GFRA1: variants seen among roughly 807,000 people sequenced by gnomAD.
GFRA1 encodes the protein GDNF family receptor alpha-1.
GFRA1 carries 16 observed loss-of-function variants against 51.6 expected under a neutral mutation model. That is an observed-to-expected ratio of 0.31 (90% CI 0.21 to 0.47). The LOEUF is 0.47. Ranked by LOEUF, GFRA1 falls within the 20% of genes least tolerant of loss-of-function variation. GFRA1 has a pLI of 1.00. For synonymous variants in GFRA1, 270 were observed against 241.3 expected, an observed-to-expected ratio of 1.12 and a Z score of -1.10; for missense variants, 530 against 594.3, an observed-to-expected ratio of 0.89 and a Z score of 1.13.
intron 5 of GFRA1, among the ~76,000 whole-genome samples, chr10:116,181,740 C>A (rs1246842627): frequency 3.9e-5 from 6 of 152,088 alleles, no homozygotes; most frequent in Admixed American, 3.3e-4. Context: ...CAGGTTCACA[C>A]CATTCTCTTG....
chr10:116,098,346 A>C (rs557209376), intron 6 of GFRA1, among the ~76,000 whole-genome samples: 8 of 152,324 alleles, frequency 5.3e-5, no homozygotes, highest in South Asian at 4.1e-4. Context: ...TCCTGACTTT[A>C]ATTGAACACA....
chr10:116,135,005 CT>C (rs1339593203), intron 5 of GFRA1, among the ~76,000 whole-genome samples: 3 of 152,116 alleles, frequency 2.0e-5, no homozygotes, highest in Admixed American at 6.5e-5. Context: ...CCACCTTTTC[CT>C]TTTGTTATAC....
chr10:116,075,002 C>T lies in GFRA1; in HGVS notation c.1198-9376G>A, dbSNP rs57554770. Among the ~76,000 whole-genome samples, 229 of 152,278 alleles carry T rather than the reference C, an allele frequency of 1.5e-3. 3 individuals are homozygous for T. In the East Asian group the frequency reaches 0.035, roughly 23 times the overall value. On this transcript the variant is annotated intron_variant, in intron 9 of 10. Transcript: ENST00000355422. ...ATATTTATAGCCAAGATGGTGCAGA[C>T]GTCCTATTCCTTTTTATTAAGCATG...
chr10:116,250,895 A>G (rs1285496259), intron 4 of GFRA1, among the ~76,000 whole-genome samples: 1 of 152,210 alleles, frequency 6.6e-6, no homozygotes, highest in African/African-American at 2.4e-5. Context: ...TACTAGCTCC[A>G]CTGTTTCTGG....
intron 4 of GFRA1, among the ~76,000 whole-genome samples, chr10:116,216,962 T>A (rs185819703): frequency 3.3e-5 from 5 of 152,184 alleles, no homozygotes; most frequent in Non-Finnish European, 7.3e-5. Context: ...GCTCTGTACA[T>A]AGACATGAAG....
chr10:116,096,669 T>C lies in GFRA1; in HGVS notation c.866A>G (p.Tyr289Cys). ...KENYADCLLAYSGLIGTVMTP... is the reference protein window; with the variant it reads ...KENYADCLLACSGLIGTVMTP... ...TCGGATCTTACCAATAAGCCCCGAG[T>C]AGGCGAGGAGGCAGTCAGCGTAGTT... Residue 289 changes from tyrosine to cysteine, a missense_variant, in exon 7 of 11, where the codon TAC (tyrosine) becomes TGC (cysteine). Transcript: ENST00000355422. 1 of 1,589,448 alleles carries C rather than the reference T, an allele frequency of 6.3e-7. No individual in the cohort carries two copies. The highest frequency in any genetic ancestry group is 8.6e-7 in the Non-Finnish European group (1 of 1,158,054).
In GFRA1 at chr10:116,062,261, T is replaced by C. The variant is rs143591190; in HGVS notation, c.*2137A>G. 1.5e-5 allele frequency: 6 copies of C among 397,304 alleles called. No homozygotes were observed. In the Admixed American group the frequency reaches 2.2e-4, roughly 15 times the overall value. The allele number at this position is 397,304 out of a possible 1,614,324, so 24.6% of individuals were successfully genotyped here. ...GTGTAGATACACAGAGATACCTTAATGAAAACAAAATACACTCTGTAAGAG... is the reference window on the plus strand; with the variant it reads ...GTGTAGATACACAGAGATACCTTAACGAAAACAAAATACACTCTGTAAGAG... On this transcript the variant is annotated 3_prime_UTR_variant, in exon 11 of 11. Coordinates refer to ENST00000355422, the MANE Select transcript of GFRA1 (RefSeq NM_005264.8).
At chr10:116,115,732 C>A (rs1247800955) in intron 6 of GFRA1, among the ~76,000 whole-genome samples, 1 of 152,132 alleles carries the variant, frequency 6.6e-6, no homozygotes, top group Non-Finnish European at 1.5e-5. Flanking sequence ...AACGGAAACA[C>A]CCCCTTCCCT....
chr10:116,173,970 C>T (rs1031974909), intron 5 of GFRA1, among the ~76,000 whole-genome samples: 29 of 152,090 alleles, frequency 1.9e-4, no homozygotes, highest in African/African-American at 7.0e-4. Flanking sequence ...ATCCCAGCTA[C>T]TTGGGAGGCT....
In GFRA1 at chr10:116,062,764, G is replaced by A. The variant is rs1039807698; in HGVS notation, c.*1634C>T. 3 of 152,112 alleles carry A rather than the reference G, an allele frequency of 2.0e-5. No individual in the cohort carries two copies. The highest frequency in any genetic ancestry group is 6.5e-5 in the Admixed American group (1 of 15,272). The allele number at this position is 152,112 out of a possible 1,614,324, so 9.4% of individuals were successfully genotyped here. ...TCGATCATTGTAGATTCGGAATCTCGCCATCTAAACCAGACTTCAAAAGTG... is the reference window on the plus strand; with the variant it reads ...TCGATCATTGTAGATTCGGAATCTCACCATCTAAACCAGACTTCAAAAGTG... On this transcript the variant is annotated 3_prime_UTR_variant, in exon 11 of 11. Transcript: ENST00000355422.
intron 6 of GFRA1, among the ~76,000 whole-genome samples, chr10:116,112,336 A>C (rs965691655): frequency 6.6e-6 from 1 of 152,040 alleles, no homozygotes; most frequent in African/African-American, 2.4e-5. Flanking sequence ...GGGACCTGAA[A>C]CTTCCAGCTT....
rs949432346 is a variant in GFRA1 at position 116,060,321 on chromosome 10, T to G, written c.*4077A>C. ...AACCAAATCCCCACTTGTTTTATTT[T>G]AGAATTTCTAATAAGAAATTCCTTC... On this transcript the variant is annotated 3_prime_UTR_variant, in exon 11 of 11. Transcript: ENST00000355422. The G allele has an allele frequency of 6.6e-6, 1 of 152,220 alleles. No homozygotes were observed. Among genetic ancestry groups the G allele is most frequent in the Non-Finnish European group, 1.5e-5 (1 of 68,040 alleles). 9.4% of individuals were successfully genotyped at this position (152,220 alleles called of 1,614,324 possible).
chr10:116,271,594 C>A (rs1168833519), intron 2 of GFRA1, among the ~76,000 whole-genome samples: 2 of 152,120 alleles, frequency 1.3e-5, no homozygotes, highest in Non-Finnish European at 2.9e-5. Flanking sequence ...GCGGAGAGTG[C>A]CCAGAAGCTA....
chr10:116,272,163 C>T lies in GFRA1; in HGVS notation c.-134G>A. On this transcript the variant is annotated 5_prime_UTR_variant, in exon 2 of 11. Coordinates refer to ENST00000355422, the MANE Select transcript of GFRA1 (RefSeq NM_005264.8). The surrounding 1 kb of genome is among the most constrained non-coding windows in gnomAD (Gnocchi z 4.4). ...TGGCCGCCCAAAGTTCAGCTCCATC[C>T]AGTGAAAGAGGAAACTCCGGGTCTG... 1 of 806,918 alleles carries T rather than the reference C, an allele frequency of 1.2e-6. No homozygotes were observed. The highest frequency in any genetic ancestry group is 2.1e-6 in the Non-Finnish European group (1 of 482,866). The allele number at this position is 806,918 out of a possible 1,614,324, so 50.0% of individuals were successfully genotyped here.
At chr10:116,244,260 AAGGAATAGAAACT>A (rs993915989) in intron 4 of GFRA1, among the ~76,000 whole-genome samples, 5 of 137,650 alleles carry the variant, frequency 3.6e-5, no homozygotes, top group African/African-American at 1.4e-4. Context: ...CAGTGAGATA[AAGGAATAGAAACT>A]ATAGAAACTT....
At chr10:116,082,201 C>A (rs1263836983) in intron 9 of GFRA1, among the ~76,000 whole-genome samples, 1 of 152,080 alleles carries the variant, frequency 6.6e-6, no homozygotes, top group Non-Finnish European at 1.5e-5. Flanking sequence ...CCAGGCTGGA[C>A]CAAGATCTGA....
chr10:116,119,660 A>C (rs1032700245), intron 6 of GFRA1, among the ~76,000 whole-genome samples: 9 of 152,246 alleles, frequency 5.9e-5, no homozygotes, highest in African/African-American at 2.2e-4. Flanking sequence ...TGTGGGATCC[A>C]GTTTTTGACT....
At chr10:116,079,467 C>T (rs1955757367) in intron 9 of GFRA1, among the ~76,000 whole-genome samples, 1 of 150,102 alleles carries the variant, frequency 6.7e-6, no homozygotes, top group African/African-American at 2.5e-5. Flanking sequence ...TCTCAAAAGC[C>T]CCCATTTTCC....
chr10:116,064,181 T>C lies in GFRA1; in HGVS notation c.*217A>G. 1.8e-6 allele frequency: 1 copy of C among 554,236 alleles called. No homozygotes were observed. Among genetic ancestry groups the C allele is most frequent in the Non-Finnish European group, 3.2e-6 (1 of 310,952 alleles). 34.3% of individuals were successfully genotyped at this position (554,236 alleles called of 1,614,324 possible). A position where few individuals can be genotyped will look rare whatever the true frequency, so the allele number is the denominator to read the frequency against. On this transcript the variant is annotated 3_prime_UTR_variant, in exon 11 of 11. Coordinates refer to ENST00000355422, the MANE Select transcript of GFRA1 (RefSeq NM_005264.8). ...TTAAAATACAGCATATCCCAAAGCC[T>C]TCTGAGTTTGGATGGAGCACTGCAT...
Sources: allele counts gnomAD v4.1 joint callset (sites outside exome capture counted in the v4.1 genomes callset), GRCh38; gene constraint gnomAD v4.1.1; non-coding constraint Gnocchi (gnomAD v3.1); transcripts MANE v1.5; gene names NCBI Gene and HGNC (gene_info 2026-07-23, HGNC 2026-07-21).